The following OR2L13 variants were observed in gnomAD, a reference collection of about 807,000 sequenced individuals.
OR2L13 encodes the protein olfactory receptor 2L13.
A neutral mutation model predicts 15.3 loss-of-function variants in OR2L13; 14 were observed. The observed-to-expected ratio is 0.91, with a 90% CI of 0.60 to 1.43. OR2L13 has a LOEUF of 1.43. OR2L13 is among the 40% of genes most tolerant of loss of function. The pLI, the probability that OR2L13 is intolerant of heterozygous loss-of-function variation, is 0.00. For synonymous variants in OR2L13, 152 were observed against 142.9 expected (o/e 1.06, Z -0.45); for missense variants, 367 against 387.9 (o/e 0.95, Z 0.45).
the OR2L13 span, among the ~76,000 whole-genome samples, chr1:247,973,447 A>G: frequency 2.6e-5 from 4 of 152,200 alleles, no homozygotes; most frequent in Admixed American, 2.0e-4. Context: ...ATACAAAATC[A>G]ATGTGCAAAA....
chr1:248,067,365 A>G, the OR2L13 span, among the ~76,000 whole-genome samples: 1 of 152,226 alleles, frequency 6.6e-6, no homozygotes, highest in African/African-American at 2.4e-5. Context: ...TGAATTGCTG[A>G]GTTTAATTGT....
the OR2L13 span, among the ~76,000 whole-genome samples, chr1:248,057,850 A>G: frequency 6.6e-6 from 1 of 152,114 alleles, no homozygotes; most frequent in Admixed American, 6.6e-5. Flanking sequence ...GCATCCTGTA[A>G]TTTTGCTAAT....
At chr1:248,026,787 G>T in the OR2L13 span, among the ~76,000 whole-genome samples, 5 of 152,172 alleles carry the variant, frequency 3.3e-5, no homozygotes, top group African/African-American at 9.7e-5. Flanking sequence ...CAATACGCTT[G>T]TGATTTCCTA....
chr1:248,073,676 A>G, the OR2L13 span, among the ~76,000 whole-genome samples: 1 of 151,886 alleles, frequency 6.6e-6, no homozygotes, highest in Admixed American at 6.5e-5. Flanking sequence ...AAATAAAAAA[A>G]AGAAGCATGG....
chr1:248,030,338 A>G, the OR2L13 span: 1 of 152,204 alleles, frequency 6.6e-6, no homozygotes, highest in African/African-American at 2.4e-5. Context: ...AATTGAGGTG[A>G]ATTTCAGCAC....
Position 248,099,551 on chromosome 1 carries a change from A to G in OR2L13, c.176A>G (p.Tyr59Cys), listed in dbSNP as rs747839046. ...GATCCTCGTCTCCACACACCGATGT[A>G]CTTTCTTCTCAGCCAGCTCTCCCTT... Residue 59 changes from tyrosine to cysteine, a missense_variant, in exon 3 of 3, where the codon TAC becomes TGC. By Grantham distance (194) the Tyr-to-Cys change is radical. Transcript: ENST00000641714. 2.4e-5 allele frequency: 38 copies of G among 1,613,890 alleles called. No individual in the cohort carries two copies. The highest frequency in any genetic ancestry group is 2.8e-5 in the Non-Finnish European group (33 of 1,180,012).
the OR2L13 span, among the ~76,000 whole-genome samples, chr1:248,001,544 T>G: frequency 0.088 from 13,255 of 150,174 alleles, 749 homozygotes; most frequent in African/African-American, 0.17. Flanking sequence ...AAAAATAAAA[T>G]ATAGCTATTT....
the OR2L13 span, among the ~76,000 whole-genome samples, chr1:248,089,901 C>A: frequency 6.6e-6 from 1 of 152,198 alleles, no homozygotes; most frequent in Non-Finnish European, 1.5e-5. Flanking sequence ...TAACCAATCA[C>A]AAATCAGAAA....
At chr1:247,978,879 TC>T in the OR2L13 span, among the ~76,000 whole-genome samples, 1 of 151,948 alleles carries the variant, frequency 6.6e-6, no homozygotes, top group East Asian at 1.9e-4. Context: ...GTCTTGGTGG[TC>T]CCCTGAAGAT....
At chr1:248,027,596 T>G in the OR2L13 span, among the ~76,000 whole-genome samples, 2 of 152,196 alleles carry the variant, frequency 1.3e-5, no homozygotes, top group Non-Finnish European at 2.9e-5. Flanking sequence ...TGTCCCTTTA[T>G]TTCTCAGACC....
chr1:247,988,783 T>C, the OR2L13 span, among the ~76,000 whole-genome samples: 1 of 152,200 alleles, frequency 6.6e-6, no homozygotes. Flanking sequence ...AGTTGCTGCT[T>C]CCTTTTTTCC....
chr1:248,006,892 T>C, the OR2L13 span, among the ~76,000 whole-genome samples: 3 of 152,172 alleles, frequency 2.0e-5, no homozygotes, highest in Non-Finnish European at 4.4e-5. Context: ...ATTTCACAGG[T>C]TCCACAACTC....
the OR2L13 span, among the ~76,000 whole-genome samples, chr1:248,044,903 A>G: frequency 2.0e-5 from 3 of 149,058 alleles, no homozygotes; most frequent in Non-Finnish European, 4.4e-5. Flanking sequence ...CCTTCAGCTG[A>G]CCTATGATTA....
At chr1:247,950,544 A>G in the OR2L13 span, among the ~76,000 whole-genome samples, 36 of 152,220 alleles carry the variant, frequency 2.4e-4, no homozygotes, top group Admixed American at 3.3e-4. Context: ...ATTTTTCTGC[A>G]TATGGATATC....
exon 3 of OR2L13, chr1:248,099,713 T>C (rs1189572170): frequency 6.2e-7 from 1 of 1,614,022 alleles, no homozygotes; most frequent in Non-Finnish European, 8.5e-7. Context: ...GAAGGCTTAC[T>C]CCTGACCTCC....
chr1:248,010,263 A>G, the OR2L13 span, among the ~76,000 whole-genome samples: 1 of 152,142 alleles, frequency 6.6e-6, no homozygotes, highest in East Asian at 1.9e-4. Context: ...ATATTTAGGG[A>G]ACCGCATAGT....
At chr1:247,966,436 A>G in the OR2L13 span, 8 of 1,214,172 alleles carry the variant, frequency 6.6e-6, no homozygotes, top group African/African-American at 1.2e-4. Flanking sequence ...AGTGTTTATC[A>G]ATCTTGTTTA....
At chr1:247,998,402 G>A in the OR2L13 span, among the ~76,000 whole-genome samples, 10 of 152,052 alleles carry the variant, frequency 6.6e-5, no homozygotes, top group Admixed American at 6.6e-4. Flanking sequence ...ATTGTAGGGG[G>A]CAACATTTCC....
chr1:247,979,509 G>A, the OR2L13 span, among the ~76,000 whole-genome samples: 1,274 of 151,966 alleles, frequency 8.4e-3, 14 homozygotes, highest in African/African-American at 0.029. Flanking sequence ...TTTTATAGCT[G>A]TATAGTATTT....
Sources: gnomAD v4.1 joint callset for allele counts (sites outside exome capture counted in the v4.1 genomes callset) on GRCh38, gnomAD v4.1.1 for gene constraint, MANE v1.5 for transcripts, NCBI Gene and HGNC (gene_info 2026-07-23, HGNC 2026-07-21) for gene names.